Variants in PTPRJ observed in about 807,000 individuals in gnomAD.
PTPRJ encodes protein tyrosine phosphatase receptor type J.
Under a neutral mutation model 141.3 loss-of-function variants are expected in PTPRJ, and 129 were observed. The ratio of observed to expected loss-of-function variants is 0.91; its 90% CI spans 0.79 to 1.06. The LOEUF (loss-of-function observed/expected upper bound fraction) is 1.06. PTPRJ is among the 50% of genes least tolerant of loss of function. The pLI is 0.00. For missense variants in PTPRJ, 1,601 were observed against 1,679.7 expected (o/e 0.95, Z 0.82); for synonymous variants, 610 against 640.5 (o/e 0.95, Z 0.72).
chr11:48,139,730 AAAGATGGCAG>A lies in PTPRJ; in HGVS notation c.2398_2407del (p.Lys800ProfsTer31). On this transcript the variant is annotated frameshift_variant, in exon 11 of 25. Transcript: ENST00000418331. LOFTEE classifies it high-confidence loss of function. ...TCAGCATCACCACTGTGTCCTGTGG[AAAGATGGCAG>A]CCCCCACCCGGAACACCTGCACTAC... 6.2e-7 allele frequency: 1 copy of A among 1,614,130 alleles called. No homozygotes were observed. Among genetic ancestry groups the A allele is most frequent in the Non-Finnish European group, 8.5e-7 (1 of 1,180,012 alleles).
chr11:47,982,908 G>A (rs1048889018), intron 1 of PTPRJ, among the ~76,000 whole-genome samples: 6 of 146,666 alleles, frequency 4.1e-5, no homozygotes, highest in African/African-American at 1.5e-4. Context: ...TTTTTTTTTT[G>A]GACACATTAT....
chr11:48,105,170 CCAAGCCTCTCCCTCCCCATCCCT>C (rs1411880441), intron 1 of PTPRJ, among the ~76,000 whole-genome samples: 4 of 152,090 alleles, frequency 2.6e-5, no homozygotes, highest in Non-Finnish European at 5.9e-5. Flanking sequence ...TGAAGCACCC[CCAAGCCTCTCCCTCCCCATCCCT>C]CAAGCCCCTC....
intron 1 of PTPRJ, among the ~76,000 whole-genome samples, chr11:48,049,175 T>C (rs922270406): frequency 6.6e-6 from 1 of 152,072 alleles, no homozygotes; most frequent in Non-Finnish European, 1.5e-5. Context: ...TGCAGGATGT[T>C]AGGAGCATAC....
At chr11:47,981,492 G>T (rs1056532651) in intron 1 of PTPRJ, among the ~76,000 whole-genome samples, 5 of 152,200 alleles carry the variant, frequency 3.3e-5, no homozygotes, top group African/African-American at 1.2e-4. Flanking sequence ...CAGGCGCTGG[G>T]CAGTGGGGCC....
rs770421698 is a variant in PTPRJ at position 48,139,592 on chromosome 11, G to A, written c.2259G>A (p.Glu753=). The A allele has an allele frequency of 1.2e-5, 19 of 1,614,146 alleles. No individual in the cohort carries two copies. Among genetic ancestry groups the A allele is most frequent in the African/African-American group, 4.0e-5 (3 of 74,956 alleles). Residue 753 remains glutamate, a synonymous_variant, in exon 11 of 25, where the codon GAG becomes GAA. Transcript: ENST00000418331. ...GCGCCAATGCAGGCTTTGAGCTGGA[G>A]GTCAGCAGTGGAGCCTGGAACAATG... ...PPGANAGFEL[E]VSSGAWNNAT... is the part of the protein sequence containing the mutation.
At chr11:47,990,991 A>G (rs1189529176) in intron 1 of PTPRJ, among the ~76,000 whole-genome samples, 1 of 151,894 alleles carries the variant, frequency 6.6e-6, no homozygotes, top group Non-Finnish European at 1.5e-5. Context: ...AAGTGTTGGG[A>G]TTACAGGTGT....
chr11:48,123,971 A>C (rs1856774596), intron 5 of PTPRJ, 101 bp downstream of exon 5: 2 of 1,334,624 alleles, frequency 1.5e-6, no homozygotes, highest in Non-Finnish European at 1.0e-6. Context: ...ATGGAGATTT[A>C]GAATTTATAA....
intron 23 of PTPRJ, among the ~76,000 whole-genome samples, chr11:48,164,013 A>G (rs1297783431): frequency 6.6e-6 from 1 of 152,242 alleles, no homozygotes; most frequent in Non-Finnish European, 1.5e-5. Context: ...TTAGCTTTGA[A>G]GCTAAAGGAA....
intron 1 of PTPRJ, among the ~76,000 whole-genome samples, chr11:48,076,992 C>T (rs1393676395): frequency 6.6e-6 from 1 of 152,048 alleles, no homozygotes; most frequent in Admixed American, 6.6e-5. Flanking sequence ...CTCAGCCTCC[C>T]GAGTAGCTGG....
intron 1 of PTPRJ, among the ~76,000 whole-genome samples, chr11:48,032,528 G>A (rs1274534082): frequency 3.3e-5 from 5 of 152,176 alleles, no homozygotes; most frequent in African/African-American, 4.8e-5. Flanking sequence ...TGGAGGCAGA[G>A]GTGGGTGGAT....
chr11:48,123,075 A>T (rs772708855), intron 4 of PTPRJ, among the ~76,000 whole-genome samples: 10 of 152,212 alleles, frequency 6.6e-5, no homozygotes, highest in Non-Finnish European at 1.2e-4. Context: ...GATGGGAGGA[A>T]GGTCCAGGAT....
chr11:48,007,245 T>G (rs938947412), intron 1 of PTPRJ, among the ~76,000 whole-genome samples: 1 of 149,834 alleles, frequency 6.7e-6, no homozygotes, highest in African/African-American at 2.5e-5. Context: ...GGACTACAGG[T>G]GCCTGCCACC....
At chr11:48,034,323 C>T (rs1423563007) in intron 1 of PTPRJ, among the ~76,000 whole-genome samples, 1 of 152,018 alleles carries the variant, frequency 6.6e-6, no homozygotes, top group Non-Finnish European at 1.5e-5. Context: ...TAAAGGAAAC[C>T]TTTAAGAAAG....
At position 48,142,788 on chromosome 11, in the gene PTPRJ, T is replaced by C. The variant is rs1857264674; in HGVS notation, c.2444-131T>C. ...CCCTGCCTTTTGCTTCTGGATTTGC[T>C]GTTTTGCACGAGCCCAGCATGTAGC... On this transcript the variant is annotated intron_variant, in intron 11 of 24. Transcript: ENST00000418331. 4 of 1,149,246 alleles carry C rather than the reference T, an allele frequency of 3.5e-6. No homozygotes were observed. In the African/African-American group the frequency reaches 4.7e-5, roughly 14 times the overall value. The allele number at this position is 1,149,246 out of a possible 1,614,324, so 71.2% of individuals were successfully genotyped here.
Position 47,980,760 on chromosome 11 carries a change from A to G in PTPRJ, c.-153A>G, listed in dbSNP as rs2135452551. The G allele has an allele frequency of 9.8e-7, 1 of 1,019,350 alleles. No homozygotes were observed. The highest frequency in any genetic ancestry group is 1.2e-6 in the Non-Finnish European group (1 of 854,870). The allele number at this position is 1,019,350 out of a possible 1,614,324, so 63.1% of individuals were successfully genotyped here. ...CGCCGCCGCTGCCATGTCTCCGGGG[A>G]AGCCCGGGGCGGGCGGAGCGGGGAC... On this transcript the variant is annotated 5_prime_UTR_variant, in exon 1 of 25. Transcript: ENST00000418331.
Position 48,130,711 on chromosome 11 carries a change from G to T in PTPRJ, c.1610G>T (p.Arg537Ile). ...GGGGCATCTCGGACAGTTTGCAATA[G>T]AACTGGTAAGCAAATAGGCTTTTCT... ...TEGASRTVCN[R>I]TVPSAVFDIH... is the part of the protein sequence containing the mutation. The change falls in exon 8 of 25, where the codon AGA (arginine) becomes ATA (isoleucine). Residue 537 changes from arginine to isoleucine, a missense_variant. Transcript: ENST00000418331. 6.2e-7 allele frequency: 1 copy of T among 1,604,274 alleles called. No individual in the cohort carries two copies. Among genetic ancestry groups the T allele is most frequent in the Non-Finnish European group, 8.5e-7 (1 of 1,173,146 alleles).
chr11:48,144,488 G>T (rs1252842563), intron 12 of PTPRJ, among the ~76,000 whole-genome samples, 187 bp from the exon 13 acceptor site: 1 of 152,198 alleles, frequency 6.6e-6, no homozygotes, highest in Non-Finnish European at 1.5e-5. Context: ...TGGGATTCAT[G>T]GGGATGAAGT....
At chr11:48,005,165 T>C (rs1590397272) in intron 1 of PTPRJ, among the ~76,000 whole-genome samples, 1 of 151,476 alleles carries the variant, frequency 6.6e-6, no homozygotes, top group African/African-American at 2.4e-5. Flanking sequence ...GAGGTTGCAG[T>C]GAGCAGAGAT....
At chr11:47,998,936 A>G (rs138179479) in intron 1 of PTPRJ, among the ~76,000 whole-genome samples, 1 of 152,180 alleles carries the variant, frequency 6.6e-6, no homozygotes, top group Non-Finnish European at 1.5e-5. Context: ...TTCCTCAGGG[A>G]TGAAACATGT....
Sources: gnomAD v4.1 joint callset for allele counts (sites outside exome capture counted in the v4.1 genomes callset) on GRCh38, gnomAD v4.1.1 for gene constraint, MANE v1.5 for transcripts, NCBI Gene and HGNC (gene_info 2026-07-23, HGNC 2026-07-21) for gene names.